Variants in ANO3 observed in about 807,000 individuals in gnomAD.
ANO3 encodes the protein anoctamin-3.
A neutral mutation model predicts 144.8 loss-of-function variants in ANO3; 99 were observed. The observed-to-expected ratio is 0.68, with a 90% CI of 0.58 to 0.81. The LOEUF is 0.81. Among genes scored for constraint, ANO3 ranks in the 30% least tolerant of loss-of-function variants. The pLI is 0.00. For missense variants in ANO3, 905 were observed against 1,202.2 expected (o/e 0.75, Z 3.66); for synonymous variants, 414 against 392.6 (o/e 1.05, Z -0.64).
At chr11:26,404,078 G>GT (rs558513041) in intron 1 of ANO3, among the ~76,000 whole-genome samples, 2 of 151,648 alleles carry the variant, frequency 1.3e-5, no homozygotes, top group African/African-American at 4.8e-5. Flanking sequence ...TTTATTGACA[G>GT]TTTTTTTCCA....
At chr11:26,270,245 C>A (rs568669889) in intron 1 of ANO3, among the ~76,000 whole-genome samples, 1 of 152,274 alleles carries the variant, frequency 6.6e-6, no homozygotes, top group South Asian at 2.1e-4. Flanking sequence ...TCAGATCATT[C>A]ACTTTTGCCA....
At chr11:26,534,768 A>G (rs935075336) in intron 9 of ANO3, among the ~76,000 whole-genome samples, 1 of 152,218 alleles carries the variant, frequency 6.6e-6, no homozygotes, top group Non-Finnish European at 1.5e-5. Flanking sequence ...CATAGATATC[A>G]AAACGTGAAA....
chr11:26,451,151 G>C (rs1858916866), intron 3 of ANO3, among the ~76,000 whole-genome samples: 1 of 152,182 alleles, frequency 6.6e-6, no homozygotes, highest in South Asian at 2.1e-4. Flanking sequence ...ATCCCAGCCT[G>C]AGCGACGCAG....
At chr11:26,448,591 T>C (rs1858797535) in intron 3 of ANO3, among the ~76,000 whole-genome samples, 1 of 152,212 alleles carries the variant, frequency 6.6e-6, no homozygotes, top group Non-Finnish European at 1.5e-5. Flanking sequence ...TTTCATTCTA[T>C]AGATAATATC....
chr11:26,332,226 G>A lies in ANO3; in HGVS notation c.-50G>A, dbSNP rs751059713. ...TCTAGAGTCTGGCTACTGTTCCTCCGCCTCCCTCTCGGGCAGCTCCCTAAG... is the reference window on the plus strand; with the variant it reads ...TCTAGAGTCTGGCTACTGTTCCTCCACCTCCCTCTCGGGCAGCTCCCTAAG... On this transcript the variant is annotated 5_prime_UTR_variant, in exon 1 of 27. Coordinates refer to ENST00000256737, the MANE Select transcript of ANO3 (RefSeq NM_031418.4). 5 of 1,613,906 alleles carry A rather than the reference G, an allele frequency of 3.1e-6. No homozygotes were observed. Among genetic ancestry groups the A allele is most frequent in the South Asian group, 2.2e-5 (2 of 91,074 alleles).
intron 9 of ANO3, among the ~76,000 whole-genome samples, chr11:26,535,939 A>G (rs1348911462): frequency 1.3e-5 from 2 of 152,012 alleles, no homozygotes; most frequent in Admixed American, 1.3e-4. Flanking sequence ...TTAATAATTT[A>G]TTTATTACTG....
At chr11:26,537,552 TC>T in intron 10 of ANO3, 91 bp downstream of exon 10, 1 of 1,106,214 alleles carries the variant, frequency 9.0e-7, no homozygotes, top group Non-Finnish European at 1.4e-6. Context: ...AGCTGTCCAC[TC>T]CCAGGAGGAT....
chr11:26,362,043 A>T (rs1276707081), intron 1 of ANO3, among the ~76,000 whole-genome samples: 1 of 152,102 alleles, frequency 6.6e-6, no homozygotes, highest in South Asian at 2.1e-4. Context: ...AAGAGTTTTA[A>T]ATATGAGGAT....
At chr11:26,417,876 A>G (rs17309034) in intron 1 of ANO3, among the ~76,000 whole-genome samples, 19,183 of 152,028 alleles carry the variant, frequency 0.13, 1,524 homozygotes, top group South Asian at 0.3. Context: ...GGACAACATT[A>G]TATTCTACCT....
chr11:26,436,413 G>A (rs72886261), intron 1 of ANO3, among the ~76,000 whole-genome samples: 6,352 of 152,140 alleles, frequency 0.042, 180 homozygotes, highest in African/African-American at 0.078. Flanking sequence ...TTTTCCATAA[G>A]TCTGCTCCAA....
intron 1 of ANO3, among the ~76,000 whole-genome samples, chr11:26,217,330 C>T (rs1052468720): frequency 6.6e-6 from 1 of 152,006 alleles, no homozygotes; most frequent in Non-Finnish European, 1.5e-5. Flanking sequence ...AATCATCCCC[C>T]CCATCTATCA....
At position 26,422,555 on chromosome 11, in the gene ANO3, C is replaced by T. The variant is rs1190682069; in HGVS notation, c.47-19363C>T. ...GCATTAAATGTTACTTTAGGAAAAT[C>T]TGTTCTGCATGTAAGAAAGGACACA... On this transcript the variant is annotated intron_variant, in intron 1 of 26. Coordinates refer to ENST00000256737, the MANE Select transcript of ANO3 (RefSeq NM_031418.4). Among the ~76,000 whole-genome samples, 4 of 151,986 alleles carry T rather than the reference C, an allele frequency of 2.6e-5. No homozygotes were observed. In the East Asian group the frequency reaches 7.7e-4, roughly 29 times the overall value.
chr11:26,588,135 G>C (rs1851341821), intron 14 of ANO3, among the ~76,000 whole-genome samples: 1 of 151,994 alleles, frequency 6.6e-6, no homozygotes, highest in African/African-American at 2.4e-5. Flanking sequence ...AAATGAACTT[G>C]TATAACCACC....
intron 1 of ANO3, among the ~76,000 whole-genome samples, chr11:26,216,944 T>C (rs564353191): frequency 1.5e-4 from 23 of 152,146 alleles, no homozygotes; most frequent in Non-Finnish European, 3.1e-4. Flanking sequence ...TTTTGAGAGT[T>C]TTTCTATGGT....
In ANO3 at chr11:26,290,333, C is replaced by T. The variant is rs544221360; in HGVS notation, c.155-19312C>T. On this transcript the variant is annotated intron_variant, in intron 1 of 27. Coordinates refer to the ANO3 transcript ENST00000672621. ...TTTATTAGTCTTGCTAGTGGTCTAT[C>T]AATTTTGTTGATCTTTTCAAAAAAC... 2.4e-4 allele frequency among the ~76,000 whole-genome samples: 36 copies of T among 152,096 alleles called. 1 individual carries two copies. In the East Asian group the frequency reaches 6.4e-3, roughly 27 times the overall value.
intron 17 of ANO3, among the ~76,000 whole-genome samples, chr11:26,611,443 A>G (rs1457599131): frequency 6.6e-6 from 1 of 151,912 alleles, no homozygotes; most frequent in African/African-American, 2.4e-5. Context: ...GTTTATTTCT[A>G]GTTTTGTAAT....
intron 1 of ANO3, among the ~76,000 whole-genome samples, chr11:26,298,220 A>G (rs1854137140): frequency 6.6e-6 from 1 of 152,120 alleles, no homozygotes. Context: ...CTCATTCTCA[A>G]TCTAATAGCT....
At chr11:26,421,773 G>C (rs988882401) in intron 1 of ANO3, among the ~76,000 whole-genome samples, 1 of 152,046 alleles carries the variant, frequency 6.6e-6, no homozygotes. Context: ...CTATAAAAAA[G>C]AATGAAATCA....
At chr11:26,251,844 C>A (rs1209657567) in intron 1 of ANO3, among the ~76,000 whole-genome samples, 1 of 152,154 alleles carries the variant, frequency 6.6e-6, no homozygotes, top group East Asian at 1.9e-4. Flanking sequence ...CTCACTATCA[C>A]GCAGACAGCA....
Sources: gnomAD v4.1 joint callset for allele counts (sites outside exome capture counted in the v4.1 genomes callset) on GRCh38, gnomAD v4.1.1 for gene constraint, MANE v1.5 for transcripts, NCBI Gene and HGNC (gene_info 2026-07-23, HGNC 2026-07-21) for gene names.